RBFOX1: variants seen among roughly 807,000 people sequenced by gnomAD.
The protein encoded by RBFOX1 is RNA binding protein fox-1 homolog 1.
RBFOX1 carries 8 observed loss-of-function variants against 57.7 expected under a neutral mutation model. That is an observed-to-expected ratio of 0.14 (90% CI 0.08 to 0.25). The LOEUF (loss-of-function observed/expected upper bound fraction) is 0.25, where lower values mean the gene tolerates loss of function less well. Among genes scored for constraint, RBFOX1 ranks in the 10% least tolerant of loss-of-function variants. The probability of loss-of-function intolerance (pLI) is 1.00; values close to 1 mark genes in which losing one functional copy is unlikely to be tolerated. For missense variants in RBFOX1, 611 were observed against 548.5 expected (o/e 1.11, Z -1.14); for synonymous variants, 326 against 222.4 (o/e 1.47, Z -4.15).
At chr16:6,942,169 A>C (rs994806172) in intron 3 of RBFOX1, among the ~76,000 whole-genome samples, 3 of 152,050 alleles carry the variant, frequency 2.0e-5, no homozygotes, top group African/African-American at 7.2e-5. Flanking sequence ...AACTTGGGAG[A>C]TGGAGGTTGC....
chr16:5,434,317 C>CTTTTTTTTTTTTTTTTTTTTTTTT (rs5815245), intron 1 of RBFOX1, among the ~76,000 whole-genome samples: 1 of 79,734 alleles, frequency 1.3e-5, no homozygotes, highest in Admixed American at 1.9e-4. Context: ...TGCTGAAGTC[C>CTTTTTTTTTTTTTTTTTTTTTTTT]TTTTTTTTTT....
At chr16:5,316,994 C>T (rs1030324571) in intron 1 of RBFOX1, among the ~76,000 whole-genome samples, 2 of 152,174 alleles carry the variant, frequency 1.3e-5, no homozygotes, top group Admixed American at 6.5e-5. Flanking sequence ...CCATATTTTC[C>T]TGCCCTTGGA....
At chr16:5,295,764 T>G (rs2063651720) in intron 1 of RBFOX1, among the ~76,000 whole-genome samples, 1 of 152,186 alleles carries the variant, frequency 6.6e-6, no homozygotes, top group South Asian at 2.1e-4. Flanking sequence ...CATATTCTCT[T>G]GGTTATAAGA....
At chr16:6,564,835 A>T (rs1469024279) in intron 2 of RBFOX1, among the ~76,000 whole-genome samples, 2 of 152,118 alleles carry the variant, frequency 1.3e-5, no homozygotes, top group African/African-American at 4.8e-5. Flanking sequence ...TTATTTAAAA[A>T]TTTTTTAAAA....
chr16:6,497,403 C>A (rs149106875), intron 2 of RBFOX1, among the ~76,000 whole-genome samples: 40 of 152,206 alleles, frequency 2.6e-4, no homozygotes, highest in African/African-American at 7.7e-4. Context: ...AGCTACTTTT[C>A]CCACTCTGTA....
At chr16:6,776,427 CAAA>C (rs1206202749) in intron 3 of RBFOX1, among the ~76,000 whole-genome samples, 1 of 101,342 alleles carries the variant, frequency 9.9e-6, no homozygotes, top group African/African-American at 3.1e-5. Flanking sequence ...AAACAAAAAA[CAAA>C]AAACAAACAA....
At chr16:6,800,123 C>G (rs150744477) in intron 3 of RBFOX1, among the ~76,000 whole-genome samples, 1 of 152,066 alleles carries the variant, frequency 6.6e-6, no homozygotes, top group African/African-American at 2.4e-5. Flanking sequence ...GATGTATTAT[C>G]GTTCCTAGTC....
At chr16:6,870,797 A>C (rs1351469460) in intron 3 of RBFOX1, among the ~76,000 whole-genome samples, 1 of 152,212 alleles carries the variant, frequency 6.6e-6, no homozygotes, top group Admixed American at 6.5e-5. Context: ...CTAGCAACTA[A>C]TTTATGAGGC....
intron 2 of RBFOX1, among the ~76,000 whole-genome samples, chr16:6,631,067 A>G (rs1201905263): frequency 6.6e-6 from 1 of 152,118 alleles, no homozygotes; most frequent in Non-Finnish European, 1.5e-5. Flanking sequence ...ATGAAAGTAG[A>G]GAGAGAGGGC....
chr16:7,113,218 G>T (rs1008507758), intron 4 of RBFOX1, among the ~76,000 whole-genome samples: 2 of 152,190 alleles, frequency 1.3e-5, no homozygotes, highest in Non-Finnish European at 2.9e-5. Flanking sequence ...CCTGGAGTCT[G>T]CATATTCTGT....
chr16:7,129,173 A>C (rs534836513), intron 4 of RBFOX1, among the ~76,000 whole-genome samples: 1 of 152,146 alleles, frequency 6.6e-6, no homozygotes, highest in Non-Finnish European at 1.5e-5. Context: ...TCAAACCAGG[A>C]AAGTCTGGCT....
intron 4 of RBFOX1, among the ~76,000 whole-genome samples, chr16:7,302,644 A>AG (rs993982526): frequency 2.6e-5 from 4 of 152,126 alleles, no homozygotes; most frequent in Non-Finnish European, 4.4e-5. Context: ...AAAAAAAAAA[A>AG]AAAAGAAAAT....
chr16:7,161,951 T>G (rs887157199), intron 4 of RBFOX1, among the ~76,000 whole-genome samples: 1 of 152,226 alleles, frequency 6.6e-6, no homozygotes, highest in Admixed American at 6.5e-5. Context: ...AGTTGAGCTT[T>G]CCAGGCAATG....
At chr16:6,057,806 T>C (rs2095632711) in intron 1 of RBFOX1, among the ~76,000 whole-genome samples, 1 of 150,354 alleles carries the variant, frequency 6.7e-6, no homozygotes, top group Non-Finnish European at 1.5e-5. Flanking sequence ...TGTTGAAATT[T>C]TATGAGGGTT....
At chr16:5,598,808 C>G in intron 2 of RBFOX1, 2 of 939,108 alleles carry the variant, frequency 2.1e-6, no homozygotes, top group South Asian at 3.5e-5. Context: ...GTGAGACATT[C>G]TGGGTTGTGC....
At chr16:5,920,873 C>A (rs914602507) in intron 4 of RBFOX1, among the ~76,000 whole-genome samples, 1 of 133,740 alleles carries the variant, frequency 7.5e-6, no homozygotes, top group Non-Finnish European at 1.7e-5. Context: ...AAAGGAAAAG[C>A]ACAGACACTT....
intron 4 of RBFOX1, among the ~76,000 whole-genome samples, chr16:5,980,898 G>C (rs796863526): frequency 2.0e-5 from 3 of 152,268 alleles, no homozygotes; most frequent in African/African-American, 7.2e-5. Context: ...CACTGGGCTT[G>C]CTTTTTATAA....
chr16:7,700,944 TACGTATTATGTATGCATAGTTCTG>T (rs1304648317), intron 14 of RBFOX1, among the ~76,000 whole-genome samples: 1 of 152,140 alleles, frequency 6.6e-6, no homozygotes, highest in African/African-American at 2.4e-5. Flanking sequence ...TGGATTTGTG[TACGTATTATGTATGCATAGTTCTG>T]ATGTATGACA....
chr16:7,227,904 T>C (rs536440716), intron 4 of RBFOX1, among the ~76,000 whole-genome samples: 3 of 152,322 alleles, frequency 2.0e-5, no homozygotes, highest in Admixed American at 6.5e-5. Flanking sequence ...GGTTATCCTT[T>C]CCCTTCTAGC....
Sources: gnomAD v4.1 joint callset for allele counts (sites outside exome capture counted in the v4.1 genomes callset) on GRCh38, gnomAD v4.1.1 for gene constraint, MANE v1.5 for transcripts, NCBI Gene and HGNC (gene_info 2026-07-23, HGNC 2026-07-21) for gene names.